The following RIT2 variants were observed in gnomAD, a reference collection of about 807,000 sequenced individuals.
The protein encoded by RIT2 is Ras like without CAAX 2.
Under a neutral mutation model 23.7 loss-of-function variants are expected in RIT2, and 24 were observed. That is an observed-to-expected ratio of 1.01 (90% CI 0.73 to 1.43). The LOEUF (loss-of-function observed/expected upper bound fraction) is 1.43, where lower values mean the gene tolerates loss of function less well. Among genes scored for constraint, RIT2 ranks in the 40% most tolerant of loss-of-function variants. The probability of loss-of-function intolerance (pLI) is 0.00; values close to 1 mark genes in which losing one functional copy is unlikely to be tolerated. For synonymous variants in RIT2, 107 were observed against 91.1 expected, an observed-to-expected ratio of 1.17 and a Z score of -0.99; for missense variants, 236 against 266.9, an observed-to-expected ratio of 0.88 and a Z score of 0.81.
At chr18:42,916,769 A>C (rs1200090651) in intron 4 of RIT2, among the ~76,000 whole-genome samples, 1 of 152,104 alleles carries the variant, frequency 6.6e-6, no homozygotes, top group Non-Finnish European at 1.5e-5. Context: ...CCACCCAAAA[A>C]ACAATGACAG....
chr18:43,025,242 A>C (rs1911688290), intron 2 of RIT2, among the ~76,000 whole-genome samples: 1 of 151,796 alleles, frequency 6.6e-6, no homozygotes, highest in Admixed American at 6.6e-5. Flanking sequence ...AAAAACAAAA[A>C]AAAAAACAGG....
intron 4 of RIT2, among the ~76,000 whole-genome samples, chr18:42,782,304 C>CT (rs1330545922): frequency 1.3e-5 from 2 of 152,120 alleles, no homozygotes; most frequent in East Asian, 3.9e-4. Flanking sequence ...CTACTATGCT[C>CT]TTATTCCTTA....
At chr18:43,097,003 G>T (rs1004728224) in intron 1 of RIT2, among the ~76,000 whole-genome samples, 31 of 151,874 alleles carry the variant, frequency 2.0e-4, no homozygotes, top group African/African-American at 7.2e-4. Context: ...AAGGGTGTTA[G>T]CTGTAGTTTA....
intron 1 of RIT2, among the ~76,000 whole-genome samples, chr18:43,090,134 T>G (rs1418331281): frequency 6.6e-6 from 1 of 151,972 alleles, no homozygotes; most frequent in Non-Finnish European, 1.5e-5. Flanking sequence ...TTTTGCAAAC[T>G]ATGCATCTGA....
intron 4 of RIT2, among the ~76,000 whole-genome samples, chr18:42,856,007 T>C (rs1907171773): frequency 6.6e-6 from 1 of 152,114 alleles, no homozygotes; most frequent in African/African-American, 2.4e-5. Flanking sequence ...GCCTCAGAAG[T>C]AAAAGTTTTT....
intron 4 of RIT2, among the ~76,000 whole-genome samples, chr18:42,840,784 A>C (rs1337606896): frequency 6.6e-6 from 1 of 152,238 alleles, no homozygotes; most frequent in East Asian, 1.9e-4. Context: ...TATAGGCGTG[A>C]GCCACCGCGC....
At chr18:42,858,663 G>A (rs547447553) in intron 4 of RIT2, among the ~76,000 whole-genome samples, 2 of 152,018 alleles carry the variant, frequency 1.3e-5, no homozygotes, top group African/African-American at 2.4e-5. Context: ...CATCATTATC[G>A]CATTCAAAAG....
At chr18:42,759,752 CACAT>C (rs1389384644) in intron 4 of RIT2, among the ~76,000 whole-genome samples, 144 of 103,668 alleles carry the variant, frequency 1.4e-3, no homozygotes, top group African/African-American at 3.3e-3. Context: ...CACACACACA[CACAT>C]ACGGATATAT....
intron 1 of RIT2, among the ~76,000 whole-genome samples, chr18:43,101,522 G>A (rs1287131904): frequency 6.6e-6 from 1 of 152,172 alleles, no homozygotes; most frequent in African/African-American, 2.4e-5. Flanking sequence ...AAGAAGCCCT[G>A]TGTCGTGCAA....
intron 1 of RIT2, among the ~76,000 whole-genome samples, chr18:43,080,142 C>G (rs975126602): frequency 2.0e-4 from 30 of 152,304 alleles, no homozygotes; most frequent in African/African-American, 7.0e-4. Context: ...GACTTTCAGG[C>G]CACCAATCTA....
rs760543297 is a variant in RIT2 at position 42,923,351 on chromosome 18, G to T, written c.426+221C>A. On this transcript the variant is annotated intron_variant, in intron 4 of 4. Transcript: ENST00000326695. ...CAGTATACAATCCCAGATCCTAGGGGATAGGGCACTAGTAAGGGCACTCTG... is the reference window on the plus strand; with the variant it reads ...CAGTATACAATCCCAGATCCTAGGGTATAGGGCACTAGTAAGGGCACTCTG... 99 of 525,280 alleles carry T rather than the reference G, an allele frequency of 1.9e-4. 1 individual carries two copies. The highest frequency in any genetic ancestry group is 1.7e-4 in the Non-Finnish European group (51 of 294,960). The allele number at this position is 525,280 out of a possible 1,614,324, so 32.5% of individuals were successfully genotyped here.
intron 4 of RIT2, among the ~76,000 whole-genome samples, chr18:42,868,433 C>T (rs1346585385): frequency 6.6e-6 from 1 of 152,156 alleles, no homozygotes; most frequent in African/African-American, 2.4e-5. Context: ...ACTGAGGAAA[C>T]CAAGCCTGGC....
chr18:43,009,384 G>A (rs1391253394), intron 2 of RIT2, among the ~76,000 whole-genome samples: 1 of 151,676 alleles, frequency 6.6e-6, no homozygotes, highest in Non-Finnish European at 1.5e-5. Context: ...TTTGCATGTG[G>A]ACAAAAGATT....
intron 2 of RIT2, among the ~76,000 whole-genome samples, chr18:42,987,846 G>A (rs1028289384): frequency 6.6e-6 from 1 of 152,106 alleles, no homozygotes; most frequent in African/African-American, 2.4e-5. Context: ...TGTGATGAGA[G>A]AGGGAGGAAG....
intron 4 of RIT2, among the ~76,000 whole-genome samples, chr18:42,800,648 G>C (rs1905508827): frequency 5.9e-5 from 9 of 151,738 alleles, no homozygotes; most frequent in Admixed American, 5.9e-4. Flanking sequence ...TCCTGCCTCA[G>C]CCTCCCGAGT....
At chr18:42,995,783 T>A (rs1446186285) in intron 2 of RIT2, among the ~76,000 whole-genome samples, 1 of 152,170 alleles carries the variant, frequency 6.6e-6, no homozygotes, top group Non-Finnish European at 1.5e-5. Flanking sequence ...TCCTTTTTAT[T>A]AAGCCCCAGT....
chr18:42,823,829 A>G (rs1467706376), intron 4 of RIT2, among the ~76,000 whole-genome samples: 1 of 152,170 alleles, frequency 6.6e-6, no homozygotes, highest in Admixed American at 6.6e-5. Context: ...TCAATAAATG[A>G]GAAAGAGGCA....
At chr18:42,871,943 G>A (rs1907631521) in intron 4 of RIT2, among the ~76,000 whole-genome samples, 1 of 152,082 alleles carries the variant, frequency 6.6e-6, no homozygotes, top group Non-Finnish European at 1.5e-5. Context: ...TGTATGTCAG[G>A]GATGTGAACA....
intron 1 of RIT2, among the ~76,000 whole-genome samples, chr18:43,074,026 A>G (rs540925534): frequency 2.0e-5 from 3 of 152,288 alleles, no homozygotes; most frequent in East Asian, 1.9e-4. Flanking sequence ...TATGTGAAGG[A>G]TGGTGAAAAA....
Sources: allele counts gnomAD v4.1 joint callset (sites outside exome capture counted in the v4.1 genomes callset), GRCh38; gene constraint gnomAD v4.1.1; transcripts MANE v1.5; gene names NCBI Gene and HGNC (gene_info 2026-07-23, HGNC 2026-07-21).